Variants in ZCCHC8 observed in about 807,000 individuals in gnomAD.
The protein encoded by ZCCHC8 is zinc finger CCHC domain-containing protein 8.
ZCCHC8 carries 27 observed loss-of-function variants against 70.6 expected under a neutral mutation model. The ratio of observed to expected loss-of-function variants is 0.38; its 90% CI spans 0.28 to 0.53. ZCCHC8 has a LOEUF of 0.53. Ranked by LOEUF, ZCCHC8 falls within the 20% of genes least tolerant of loss-of-function variation. The probability of loss-of-function intolerance (pLI) is 0.81; values close to 1 mark genes in which losing one functional copy is unlikely to be tolerated. For missense variants in ZCCHC8, 737 were observed against 876.9 expected, an observed-to-expected ratio of 0.84 and a Z score of 2.01; for synonymous variants, 293 against 317.4, an observed-to-expected ratio of 0.92 and a Z score of 0.82.
At chr12:122,482,206 C>T (rs948828390) in intron 8 of ZCCHC8, 119 bp from the exon 9 acceptor site, 23 of 1,104,052 alleles carry the variant, frequency 2.1e-5, no homozygotes, top group African/African-American at 9.7e-5. Context: ...TAATGTATAA[C>T]GAACAAGTGT....
At chr12:122,488,334 A>G (rs1957680552) in intron 5 of ZCCHC8, among the ~76,000 whole-genome samples, 1 of 151,844 alleles carries the variant, frequency 6.6e-6, no homozygotes, top group Non-Finnish European at 1.5e-5. Context: ...GCCCAGCCAC[A>G]CTTGGCTAAT....
chr12:122,481,000 G>T (rs1054522461), intron 10 of ZCCHC8: 1 of 152,470 alleles, frequency 6.6e-6, no homozygotes, highest in South Asian at 2.1e-4. Flanking sequence ...ATGTTGCAGG[G>T]AGTCCACAGC....
At position 122,483,665 on chromosome 12, in the gene ZCCHC8, G is replaced by T; in HGVS notation, c.502-102C>A. 1 of 958,010 alleles carries T rather than the reference G, an allele frequency of 1.0e-6. No homozygotes were observed. Among genetic ancestry groups the T allele is most frequent in the Non-Finnish European group, 1.6e-6 (1 of 642,516 alleles). 59.3% of individuals were successfully genotyped at this position (958,010 alleles called of 1,614,324 possible). A position where few individuals can be genotyped will look rare whatever the true frequency, so the allele number is the denominator to read the frequency against. On this transcript the variant is annotated intron_variant, in intron 5 of 13. Coordinates refer to ENST00000633063, the MANE Select transcript of ZCCHC8 (RefSeq NM_017612.5). This position sits in a 1 kb window ranked among gnomAD's most constrained non-coding sequence, Gnocchi z 4.4. Reference sequence around the variant, plus strand: ...TGTTTTAACAATTTATTTTTGGATGGAATTATTAGAAATAATAACTTCCTT... The same window carrying T: ...TGTTTTAACAATTTATTTTTGGATGTAATTATTAGAAATAATAACTTCCTT...
chr12:122,482,076 A>G lies in ZCCHC8; in HGVS notation c.744T>C (p.Ala248=), dbSNP rs1352259925. The change falls in exon 9 of 14, where the codon GCT becomes GCC. Residue 248 remains alanine, a synonymous_variant. Transcript: ENST00000633063. ...QMKDCPMPRN[A]ARISEKRKEY... ...CTTTTCTCTTTTCACTTATTCGAGC[A>G]GCATTCCGAGGCTACATCATGACAC... 6 of 1,608,260 alleles carry G rather than the reference A, an allele frequency of 3.7e-6. No homozygotes were observed. The highest frequency in any genetic ancestry group is 5.1e-6 in the Non-Finnish European group (6 of 1,178,558).
intron 5 of ZCCHC8, among the ~76,000 whole-genome samples, chr12:122,485,609 T>C (rs10773208): frequency 0.79 from 120,101 of 151,944 alleles, 47,970 homozygotes; most frequent in African/African-American, 0.89. Flanking sequence ...GCACTGGATT[T>C]CTAGCCCCCT....
In ZCCHC8 at chr12:122,483,446, A is replaced by G. The variant is rs895460968; in HGVS notation, c.605+14T>C. 1 of 1,581,308 alleles carries G rather than the reference A, an allele frequency of 6.3e-7. No homozygotes were observed. The stretch of plus-strand genomic sequence containing the variant: ...CAAGATGCATAAAAGATCTTCATTC[A>G]CTATGTAGGATACTTGGGTATTTCC... On this transcript the variant is annotated intron_variant, in intron 6 of 13. Transcript: ENST00000633063. The surrounding 1 kb of genome is among the most constrained non-coding windows in gnomAD (Gnocchi z 4.4).
At chr12:122,482,302 A>C in intron 8 of ZCCHC8, 1 of 470,612 alleles carries the variant, frequency 2.1e-6, no homozygotes, top group Non-Finnish European at 3.6e-6. Context: ...TCAAGTTTTT[A>C]GGATAAACTC....
intron 5 of ZCCHC8, among the ~76,000 whole-genome samples, chr12:122,485,703 C>T (rs1957621233): frequency 2.0e-5 from 3 of 150,712 alleles, no homozygotes; most frequent in Admixed American, 2.0e-4. Context: ...TGGAGTCTCG[C>T]TCTGTCGCCC....
At chr12:122,476,105 A>T (rs1054646240) in intron 13 of ZCCHC8, among the ~76,000 whole-genome samples, 1 of 152,238 alleles carries the variant, frequency 6.6e-6, no homozygotes, top group Non-Finnish European at 1.5e-5. Flanking sequence ...AATATGTAAT[A>T]CTATCATTCT....
intron 11 of ZCCHC8, among the ~76,000 whole-genome samples, chr12:122,479,323 C>T (rs572809459): frequency 1.8e-4 from 28 of 152,300 alleles, no homozygotes; most frequent in Admixed American, 8.5e-4. Context: ...GTGATCCACC[C>T]GCCTTGGCTT....
At chr12:122,497,164 A>G (rs1404558024) in intron 2 of ZCCHC8, among the ~76,000 whole-genome samples, 2 of 152,068 alleles carry the variant, frequency 1.3e-5, no homozygotes, top group Non-Finnish European at 2.9e-5. Flanking sequence ...AAAAAAAAAA[A>G]ATCTGAAATA....
At chr12:122,490,879 T>C (rs1566300671) in intron 3 of ZCCHC8, 1 of 186,930 alleles carries the variant, frequency 5.3e-6, no homozygotes, top group Non-Finnish European at 1.1e-5. Flanking sequence ...TACATGTAAA[T>C]GGTTCAAAAT....
In ZCCHC8 at chr12:122,476,888, G is replaced by A. The variant is rs945358558; in HGVS notation, c.1345+953C>T. On this transcript the variant is annotated intron_variant, in intron 13 of 13. Transcript: ENST00000633063. ...AAATACAAAATTAGCCAGGCGTGGT[G>A]GCGGGCACCTGTAATCCCAGCTACT... 4.0e-5 allele frequency among the ~76,000 whole-genome samples: 6 copies of A among 151,882 alleles called. No individual in the cohort carries two copies. The East Asian group carries it at 1.2e-3, about 30-fold the overall frequency.
At chr12:122,479,570 C>T (rs1411483034) in intron 11 of ZCCHC8, among the ~76,000 whole-genome samples, 1 of 152,106 alleles carries the variant, frequency 6.6e-6, no homozygotes, top group Non-Finnish European at 1.5e-5. Flanking sequence ...TAGATAGAAA[C>T]TTATTTCCCA....
intron 11 of ZCCHC8, among the ~76,000 whole-genome samples, chr12:122,479,390 T>A (rs1015327338): frequency 2.0e-5 from 3 of 152,194 alleles, no homozygotes; most frequent in Admixed American, 2.0e-4. Context: ...ATATGCTTTT[T>A]AAATAAAACA....
At position 122,474,005 on chromosome 12, in the gene ZCCHC8, C is replaced by T; in HGVS notation, c.1616G>A (p.Ser539Asn). Reference protein sequence around the residue: ...AALEQAESVNSDSDVPVDTPL... With the variant: ...AALEQAESVNNDSDVPVDTPL... ...TGTGTCCACAGGAACGTCGGAGTCG[C>T]TGTTTACGCTCTCGGCCTGCTCAAG... The change falls in exon 14 of 14, where the codon AGC becomes AAC. Residue 539 changes from serine (S) to asparagine (N), a missense_variant. Ser to Asn is a conservative substitution (Grantham distance 46, BLOSUM62 1). Transcript: ENST00000633063. 1.3e-6 allele frequency: 2 copies of T among 1,567,454 alleles called. No individual in the cohort carries two copies. Among genetic ancestry groups the T allele is most frequent in the Non-Finnish European group, 1.7e-6 (2 of 1,158,850 alleles).
Position 122,481,934 on chromosome 12 carries a change from G to C in ZCCHC8, c.875+11C>G. On this transcript the variant is annotated intron_variant, in intron 9 of 13. Transcript: ENST00000633063. Reference sequence around the variant, plus strand: ...TAAAAATGACCTTCTATGGTAAAATGCCATTAGTACCTAATAACTCCTGGC... The same window carrying C: ...TAAAAATGACCTTCTATGGTAAAATCCCATTAGTACCTAATAACTCCTGGC... 1 of 1,606,418 alleles carries C rather than the reference G, an allele frequency of 6.2e-7. No individual in the cohort carries two copies. Among genetic ancestry groups the C allele is most frequent in the Non-Finnish European group, 8.5e-7 (1 of 1,176,962 alleles).
Position 122,482,669 on chromosome 12 carries a change from C to T in ZCCHC8, c.698G>A (p.Gly233Asp). The change falls in exon 8 of 14, where the codon GGT becomes GAT. Residue 233 changes from glycine (G) to aspartate (D), a missense_variant. By Grantham distance (94) the Gly-to-Asp change is moderately conservative (BLOSUM62 -1). Coordinates refer to ENST00000633063, the MANE Select transcript of ZCCHC8 (RefSeq NM_017612.5). The part of the protein sequence containing the change: ...KRPKPHCFNC[G>D]SEEHQMKDCP... ...ATCTTTCATTTGGTGTTCTTCAGAACCACAATTGAAACAGTGAGGCTTTGG... is the reference window on the plus strand; with the variant it reads ...ATCTTTCATTTGGTGTTCTTCAGAATCACAATTGAAACAGTGAGGCTTTGG... The T allele has an allele frequency of 6.2e-7, 1 of 1,607,392 alleles. No homozygotes were observed. The highest frequency in any genetic ancestry group is 8.5e-7 in the Non-Finnish European group (1 of 1,176,268).
At chr12:122,481,761 C>G in intron 9 of ZCCHC8, 97 bp from the exon 10 acceptor site, 2 of 1,415,168 alleles carry the variant, frequency 1.4e-6, no homozygotes, top group East Asian at 4.9e-5. Context: ...GCTTATATTA[C>G]ATACCATGAC....
Sources: allele counts gnomAD v4.1 joint callset (sites outside exome capture counted in the v4.1 genomes callset), GRCh38; gene constraint gnomAD v4.1.1; non-coding constraint Gnocchi (gnomAD v3.1); transcripts MANE v1.5; gene names NCBI Gene and HGNC (gene_info 2026-07-23, HGNC 2026-07-21).